MYO18B: variants seen among roughly 807,000 people sequenced by gnomAD.
MYO18B encodes myosin XVIIIB.
A neutral mutation model predicts 273.0 loss-of-function variants in MYO18B; 204 were observed. That is an observed-to-expected ratio of 0.75 (90% CI 0.67 to 0.84). MYO18B has a LOEUF of 0.84. Among genes scored for constraint, MYO18B ranks in the 40% least tolerant of loss-of-function variants. MYO18B has a pLI of 0.00. For synonymous variants in MYO18B, 1,330 were observed against 1,305.7 expected, an observed-to-expected ratio of 1.02 and a Z score of -0.40; for missense variants, 3,212 against 3,287.6, an observed-to-expected ratio of 0.98 and a Z score of 0.56.
At chr22:26,018,127 A>G (rs1227032674) in intron 42 of MYO18B, among the ~76,000 whole-genome samples, 1 of 152,108 alleles carries the variant, frequency 6.6e-6, no homozygotes, top group Admixed American at 6.6e-5. Context: ...CACATAAGGC[A>G]TGCAGGCAGG....
the MYO18B span, among the ~76,000 whole-genome samples, chr22:26,039,279 G>A: frequency 6.6e-6 from 1 of 152,100 alleles, no homozygotes; most frequent in Non-Finnish European, 1.5e-5. Flanking sequence ...TCCGTGATGT[G>A]GTCTCTACCT....
chr22:26,027,769 T>C lies in MYO18B; in HGVS notation c.*12+79T>C. 1 of 1,398,024 alleles carries C rather than the reference T, an allele frequency of 7.2e-7. No homozygotes were observed. Among genetic ancestry groups the C allele is most frequent in the Non-Finnish European group, 9.5e-7 (1 of 1,051,444 alleles). 86.6% of individuals were successfully genotyped at this position (1,398,024 alleles called of 1,614,324 possible). On this transcript the variant is annotated intron_variant, in intron 43 of 43. Coordinates refer to ENST00000335473, the MANE Select transcript of MYO18B (RefSeq NM_032608.7). The surrounding 1 kb of genome is among the most constrained non-coding windows in gnomAD (Gnocchi z 4.1). ...CCTTGGGGAGAGCAGGTGCCACTAC[T>C]GTCCTTAATGCCACAACCGATTTCT... is the stretch of plus-strand genomic sequence containing the variant.
intron 12 of MYO18B, among the ~76,000 whole-genome samples, chr22:25,821,163 G>T (rs975957324): frequency 6.6e-6 from 1 of 152,174 alleles, no homozygotes; most frequent in Non-Finnish European, 1.5e-5. Context: ...TTGATGCACT[G>T]ATTTCCTTGG....
chr22:25,820,418 A>C (rs2089232564), intron 12 of MYO18B, among the ~76,000 whole-genome samples: 1 of 152,178 alleles, frequency 6.6e-6, no homozygotes, highest in Non-Finnish European at 1.5e-5. Context: ...CTACTTGAAG[A>C]ATTGGGCCCT....
At chr22:25,931,937 A>G (rs1367506966) in intron 34 of MYO18B, among the ~76,000 whole-genome samples, 3 of 150,990 alleles carry the variant, frequency 2.0e-5, no homozygotes, top group Admixed American at 2.0e-4. Context: ...AGGTTTCACC[A>G]TGTTGCCCAG....
At chr22:26,041,756 T>G in the MYO18B span, among the ~76,000 whole-genome samples, 1 of 152,104 alleles carries the variant, frequency 6.6e-6, no homozygotes, top group Non-Finnish European at 1.5e-5. Flanking sequence ...GTGGTAGCAG[T>G]GCAGGCATGA....
intron 21 of MYO18B, among the ~76,000 whole-genome samples, chr22:25,863,190 T>C (rs991290741): frequency 1.1e-4 from 16 of 152,224 alleles, no homozygotes; most frequent in African/African-American, 3.4e-4. Context: ...TATCTTGTTA[T>C]TGACATTTTT....
chr22:25,847,426 C>A lies in MYO18B; in HGVS notation c.3553-4C>A. The A allele has an allele frequency of 6.4e-7, 1 of 1,561,320 alleles. No homozygotes were observed. Among genetic ancestry groups the A allele is most frequent in the South Asian group, 1.2e-5 (1 of 84,480 alleles). On this transcript the variant is annotated splice_region_variant and splice_polypyrimidine_tract_variant and intron_variant, in intron 19 of 43. Coordinates refer to ENST00000335473, the MANE Select transcript of MYO18B (RefSeq NM_032608.7). ...TGGCCCTGACCTCCCTCTATTTGGTCTAGGATGCGCTGACCAGCATGATCA... is the reference window on the plus strand; with the variant it reads ...TGGCCCTGACCTCCCTCTATTTGGTATAGGATGCGCTGACCAGCATGATCA...
intron 38 of MYO18B, among the ~76,000 whole-genome samples, chr22:25,952,766 C>G (rs1394980284): frequency 6.6e-6 from 1 of 152,126 alleles, no homozygotes; most frequent in East Asian, 1.9e-4. Flanking sequence ...TCTGTCTGCC[C>G]ATTCTTCTAT....
At chr22:26,045,618 C>T in the MYO18B span, among the ~76,000 whole-genome samples, 201 of 152,310 alleles carry the variant, frequency 1.3e-3, no homozygotes, top group African/African-American at 4.4e-3. Flanking sequence ...AGTCATTATC[C>T]GAGGGCTGCA....
chr22:25,954,848 A>G (rs1037939275), intron 38 of MYO18B, among the ~76,000 whole-genome samples: 1 of 152,066 alleles, frequency 6.6e-6, no homozygotes, highest in African/African-American at 2.4e-5. Context: ...AGTAGCAGGG[A>G]TTACAGGCAT....
chr22:25,934,675 G>A (rs1471795722), intron 34 of MYO18B, among the ~76,000 whole-genome samples: 1 of 152,154 alleles, frequency 6.6e-6, no homozygotes, highest in African/African-American at 2.4e-5. Context: ...GCTCAAAGCT[G>A]GGAGGGGGCT....
chr22:26,052,673 T>C, the MYO18B span, among the ~76,000 whole-genome samples: 1 of 152,164 alleles, frequency 6.6e-6, no homozygotes, highest in Non-Finnish European at 1.5e-5. Context: ...AGTTTTTGAT[T>C]AAGTGTTGAG....
At chr22:25,794,949 A>G (rs2087845255) in intron 11 of MYO18B, among the ~76,000 whole-genome samples, 1 of 152,170 alleles carries the variant, frequency 6.6e-6, no homozygotes, top group African/African-American at 2.4e-5. Flanking sequence ...AATTGTCTCA[A>G]CTTCTCTTAC....
At chr22:25,930,734 A>T (rs1406187630) in intron 34 of MYO18B, among the ~76,000 whole-genome samples, 1 of 152,052 alleles carries the variant, frequency 6.6e-6, no homozygotes, top group Non-Finnish European at 1.5e-5. Context: ...TTGGCGTCCC[A>T]AAGTGCAGGG....
In MYO18B at chr22:25,975,356, A is replaced by G. The variant is rs138890602; in HGVS notation, c.6157-17007A>G. ...GTACGGAGGTAGCTTCAACGTCTTTATGTTCCGCCGCTGTGAGCCCCGGCA... is the reference window on the plus strand; with the variant it reads ...GTACGGAGGTAGCTTCAACGTCTTTGTGTTCCGCCGCTGTGAGCCCCGGCA... On this transcript the variant is annotated intron_variant, in intron 39 of 43. Coordinates refer to ENST00000335473, the MANE Select transcript of MYO18B (RefSeq NM_032608.7). Among the ~76,000 whole-genome samples the G allele has an allele frequency of 9.3e-4, 141 of 152,284 alleles. No homozygotes were observed. The South Asian group carries it at 0.013, about 14-fold the overall frequency.
chr22:26,041,418 A>C, the MYO18B span, among the ~76,000 whole-genome samples: 289 of 151,778 alleles, frequency 1.9e-3, no homozygotes, highest in African/African-American at 6.8e-3. Flanking sequence ...TGTAATCCCA[A>C]CTACTTGGGA....
chr22:26,031,902 C>T (rs757037683), downstream of MYO18B, among the ~76,000 whole-genome samples: 1 of 152,224 alleles, frequency 6.6e-6, no homozygotes, highest in Non-Finnish European at 1.5e-5. Context: ...TTGCCATTCA[C>T]AGGAGGGCTC....
chr22:25,782,290 CA>C (rs1006043707), intron 10 of MYO18B, among the ~76,000 whole-genome samples: 11 of 152,332 alleles, frequency 7.2e-5, no homozygotes, highest in Admixed American at 7.2e-4. Flanking sequence ...CTGGCCCTGG[CA>C]GCGGTATGGG....
Sources: allele counts gnomAD v4.1 joint callset (sites outside exome capture counted in the v4.1 genomes callset), GRCh38; gene constraint gnomAD v4.1.1; non-coding constraint Gnocchi (gnomAD v3.1); transcripts MANE v1.5; gene names NCBI Gene and HGNC (gene_info 2026-07-23, HGNC 2026-07-21).